The following BICD1 variants were observed in gnomAD, a reference collection of about 807,000 sequenced individuals.
BICD1 encodes the protein BICD cargo adaptor 1, also known as protein bicaudal D homolog 1.
Under a neutral mutation model 92.5 loss-of-function variants are expected in BICD1, and 35 were observed. The ratio of observed to expected loss-of-function variants is 0.38; its 90% CI spans 0.29 to 0.50. The LOEUF is 0.50. Ranked by LOEUF, BICD1 falls within the 20% of genes least tolerant of loss-of-function variation. The pLI, the probability that BICD1 is intolerant of heterozygous loss-of-function variation, is 0.93. For synonymous variants in BICD1, 429 were observed against 465.1 expected (o/e 0.92, Z 1.00); for missense variants, 950 against 1,189.8 (o/e 0.80, Z 2.97).
chr12:32,325,669 T>C (rs1264071941), intron 4 of BICD1, among the ~76,000 whole-genome samples: 1 of 152,192 alleles, frequency 6.6e-6, no homozygotes, highest in Non-Finnish European at 1.5e-5. Flanking sequence ...TTTTAAAATA[T>C]TAACCATACT....
intron 8 of BICD1, among the ~76,000 whole-genome samples, chr12:32,342,204 G>GTGTATA (rs375823999): frequency 2.8e-4 from 34 of 119,312 alleles, no homozygotes; most frequent in Middle Eastern, 6.9e-3. Context: ...GTGTGTGTGT[G>GTGTATA]TATATATATA....
intron 1 of BICD1, among the ~76,000 whole-genome samples, chr12:32,198,323 C>CAT (rs765984931): frequency 0.064 from 5,581 of 87,792 alleles, 549 homozygotes; most frequent in South Asian, 0.11. Flanking sequence ...GAATAATATG[C>CAT]ATCTATCTAT....
intron 4 of BICD1, among the ~76,000 whole-genome samples, chr12:32,309,271 C>A (rs150876866): frequency 6.6e-6 from 1 of 152,046 alleles, no homozygotes; most frequent in African/African-American, 2.4e-5. Flanking sequence ...GTACTGTGCA[C>A]CTGAAGCATA....
intron 9 of BICD1, among the ~76,000 whole-genome samples, chr12:32,371,868 A>C (rs531635433): frequency 6.6e-6 from 1 of 152,174 alleles, no homozygotes; most frequent in Non-Finnish European, 1.5e-5. Context: ...GGTTACAAGC[A>C]TGAGCCACCA....
chr12:32,216,449 A>G lies in BICD1; in HGVS notation c.416A>G (p.Asp139Gly). Residue 139 changes from aspartate to glycine, a missense_variant, in exon 2 of 10, where the codon GAT (aspartate) becomes GGT (glycine). Physicochemically the swap from Asp to Gly is moderately conservative, Grantham distance 94. Around this residue, in one of 5 missense-constraint regions of BICD1, gnomAD observed 202 missense variants for 205.3 expected, o/e 0.98. Coordinates refer to ENST00000652176, the MANE Select transcript of BICD1 (RefSeq NM_001714.4). Reference sequence around the variant, plus strand: ...GAGAGGCTCACCGCAGTCGTGCAGGATCTGAAGGAGGTAAATAAACAAATT... The same window carrying G: ...GAGAGGCTCACCGCAGTCGTGCAGGGTCTGAAGGAGGTAAATAAACAAATT... ...ENERLTAVVQDLKENNEMVEL... is the reference protein window; with the variant it reads ...ENERLTAVVQGLKENNEMVEL... 3.7e-6 allele frequency: 6 copies of G among 1,614,126 alleles called. No individual in the cohort carries two copies. The highest frequency in any genetic ancestry group is 5.1e-6 in the Non-Finnish European group (6 of 1,179,986).
chr12:32,174,386 C>T (rs1240695974), intron 1 of BICD1, among the ~76,000 whole-genome samples: 1 of 151,906 alleles, frequency 6.6e-6, no homozygotes, highest in Admixed American at 6.6e-5. Context: ...ACCTGTAGTC[C>T]CAACCACCTG....
At chr12:32,324,973 C>T (rs984988183) in intron 4 of BICD1, among the ~76,000 whole-genome samples, 1 of 152,140 alleles carries the variant, frequency 6.6e-6, no homozygotes, top group Non-Finnish European at 1.5e-5. Flanking sequence ...TTAGTGTCAA[C>T]ATTTCCATAT....
chr12:32,184,851 A>C (rs1944384654), intron 1 of BICD1, among the ~76,000 whole-genome samples: 1 of 152,240 alleles, frequency 6.6e-6, no homozygotes, highest in Non-Finnish European at 1.5e-5. Flanking sequence ...AGCACATGAC[A>C]AAATTAGTTC....
At chr12:32,208,292 C>T (rs866881088) in intron 1 of BICD1, among the ~76,000 whole-genome samples, 42 of 152,316 alleles carry the variant, frequency 2.8e-4, no homozygotes, top group African/African-American at 9.9e-4. Context: ...TAATAATAGC[C>T]AACAGTCATT....
intron 2 of BICD1, among the ~76,000 whole-genome samples, chr12:32,225,619 C>CTTTTTTTTTTT (rs1555150859): frequency 1.0e-4 from 3 of 29,208 alleles, no homozygotes; most frequent in East Asian, 3.1e-3. Flanking sequence ...TTCTTTTTTT[C>CTTTTTTTTTTT]TGTTTTTTTT....
chr12:32,360,900 A>G (rs1017079536), intron 8 of BICD1, among the ~76,000 whole-genome samples: 2 of 152,234 alleles, frequency 1.3e-5, no homozygotes, highest in African/African-American at 4.8e-5. Flanking sequence ...ATCAGATAGG[A>G]AGAGGCGAAA....
intron 9 of BICD1, among the ~76,000 whole-genome samples, 189 bp from the exon 10 acceptor site, chr12:32,377,351 T>C (rs1012731342): frequency 6.6e-6 from 1 of 152,198 alleles, no homozygotes; most frequent in African/African-American, 2.4e-5. Flanking sequence ...ATACATTTCA[T>C]TTTTCTTTTT....
chr12:32,311,237 C>T (rs1182910348), intron 4 of BICD1, among the ~76,000 whole-genome samples: 1 of 152,168 alleles, frequency 6.6e-6, no homozygotes, highest in African/African-American at 2.4e-5. Context: ...GTGGCTCACG[C>T]CTGTAATCCC....
At position 32,170,047 on chromosome 12, in the gene BICD1, C is replaced by T. The variant is rs372233737; in HGVS notation, c.214-46200C>T. 5.3e-5 allele frequency among the ~76,000 whole-genome samples: 8 copies of T among 152,296 alleles called. No homozygotes were observed. The South Asian group carries it at 8.3e-4, about 16-fold the overall frequency. Reference sequence around the variant, plus strand: ...TTCACACTTGTTCCCCACACAGGGCCCACATGAAACCTGTCCCTGAGTTTA... The same window carrying T: ...TTCACACTTGTTCCCCACACAGGGCTCACATGAAACCTGTCCCTGAGTTTA... On this transcript the variant is annotated intron_variant, in intron 1 of 9. Coordinates refer to ENST00000652176, the MANE Select transcript of BICD1 (RefSeq NM_001714.4).
rs1592323569 is a variant in BICD1, at chr12:32,117,726, A to C, written c.213+10182A>C. Among the ~76,000 whole-genome samples the C allele has an allele frequency of 4.7e-5, 5 of 106,648 alleles. No individual in the cohort carries two copies. The East Asian group carries it at 1.5e-3, about 33-fold the overall frequency. 70.0% of individuals were successfully genotyped at this position (106,648 alleles called of 152,430 possible). On this transcript the variant is annotated intron_variant, in intron 1 of 9. Transcript: ENST00000652176. ...CAAATATATATACACACACACACACACACACACACATATATATATATATAT... is the reference window on the plus strand; with the variant it reads ...CAAATATATATACACACACACACACCCACACACACATATATATATATATAT...
intron 1 of BICD1, among the ~76,000 whole-genome samples, chr12:32,135,023 C>CTCCTCTCCTG (rs1353627507): frequency 1.2e-4 from 1 of 8,414 alleles, no homozygotes; most frequent in Non-Finnish European, 3.2e-4. Flanking sequence ...TGAATGAGTC[C>CTCCTCTCCTG]TCCTCTCCTC....
intron 4 of BICD1, among the ~76,000 whole-genome samples, chr12:32,314,258 C>T (rs530193782): frequency 3.8e-4 from 58 of 152,214 alleles, no homozygotes; most frequent in African/African-American, 1.4e-3. Context: ...TTCGTGTGCA[C>T]GTATGTTTTA....
intron 1 of BICD1, among the ~76,000 whole-genome samples, chr12:32,132,340 C>T (rs184309518): frequency 2.7e-4 from 40 of 149,740 alleles, no homozygotes; most frequent in African/African-American, 9.1e-4. Context: ...TGCTTGAACC[C>T]GGGAGGCGGA....
intron 1 of BICD1, among the ~76,000 whole-genome samples, chr12:32,143,260 C>G (rs12581381): frequency 0.014 from 2,107 of 152,318 alleles, 137 homozygotes; most frequent in Admixed American, 0.1. Flanking sequence ...AAGCACCGCA[C>G]AATCTCCATT....
Sources: gnomAD v4.1 joint callset for allele counts (sites outside exome capture counted in the v4.1 genomes callset) on GRCh38, gnomAD v4.1.1 for gene constraint, gnomAD v4.1.1 regional missense constraint, MANE v1.5 for transcripts, NCBI Gene and HGNC (gene_info 2026-07-23, HGNC 2026-07-21) for gene names.